LRP2: variants seen among roughly 807,000 people sequenced by gnomAD.
The protein encoded by LRP2 is LDL receptor related protein 2.
Under a neutral mutation model 531.0 loss-of-function variants are expected in LRP2, and 172 were observed. The observed-to-expected ratio is 0.32, with a 90% confidence interval of 0.29 to 0.37. The LOEUF is 0.37. LRP2 is among the 10% of genes least tolerant of loss of function. The pLI is 1.00. For missense variants in LRP2, 5,167 were observed against 5,868.3 expected (o/e 0.88, Z 3.90); for synonymous variants, 1,992 against 2,027.6 (o/e 0.98, Z 0.47).
chr2:169,213,383 A>G (rs967280143), intron 36 of LRP2, among the ~76,000 whole-genome samples: 3 of 152,218 alleles, frequency 2.0e-5, no homozygotes, highest in African/African-American at 4.8e-5. Flanking sequence ...AGGGAGTTCT[A>G]TGAAGTAAAA....
intron 25 of LRP2, chr2:169,240,696 C>T (rs1445546616): frequency 3.6e-6 from 2 of 562,454 alleles, no homozygotes; most frequent in African/African-American, 3.7e-5. Flanking sequence ...ACATTACCAA[C>T]AGAACCAAAT....
intron 35 of LRP2, among the ~76,000 whole-genome samples, chr2:169,215,834 T>C (rs1445400114): frequency 1.2e-4 from 17 of 143,748 alleles, no homozygotes; most frequent in Non-Finnish European, 2.2e-4. Flanking sequence ...ATACTCTATA[T>C]TTTTTATATA....
At chr2:169,163,035 G>A (rs1686647782) in intron 62 of LRP2, among the ~76,000 whole-genome samples, 1 of 152,224 alleles carries the variant, frequency 6.6e-6, no homozygotes. Context: ...AGTGATGAGG[G>A]AAGTAGAGTA....
intron 38 of LRP2, among the ~76,000 whole-genome samples, chr2:169,208,865 A>C (rs576749306): frequency 1.3e-5 from 2 of 152,280 alleles, no homozygotes; most frequent in African/African-American, 4.8e-5. Flanking sequence ...ACTAATTATG[A>C]GTGGTATTTT....
chr2:169,296,552 A>T (rs543134752), intron 4 of LRP2, among the ~76,000 whole-genome samples: 1 of 152,118 alleles, frequency 6.6e-6, no homozygotes, highest in East Asian at 1.9e-4. Context: ...TGTGTTATCT[A>T]GCCTTTTAAG....
At chr2:169,135,659 G>C (rs1685476431) in intron 76 of LRP2, among the ~76,000 whole-genome samples, 1 of 152,142 alleles carries the variant, frequency 6.6e-6, no homozygotes, top group South Asian at 2.1e-4. Context: ...AAAAAGGACT[G>C]GACAATACTT....
At chr2:169,309,526 A>C (rs185666034) in intron 3 of LRP2, among the ~76,000 whole-genome samples, 33 of 152,262 alleles carry the variant, frequency 2.2e-4, no homozygotes, top group African/African-American at 7.7e-4. Flanking sequence ...CAAAGATCAG[A>C]TGGTTGTAGA....
intron 57 of LRP2, 44 bp from the exon 58 acceptor site, chr2:169,172,178 G>A (rs1242060000): frequency 6.2e-7 from 1 of 1,612,836 alleles, no homozygotes; most frequent in Non-Finnish European, 8.5e-7. Context: ...CATTGGCAGA[G>A]AAATGCACAA....
Position 169,185,781 on chromosome 2 carries a change from C to T in LRP2, c.9567G>A (p.Lys3189=). ...CGATGTTACTGTTTTGCCGGCAGGT[C>T]TTTCCATCTGGTTCTCGGAGGTAGC... ...APGYLREPDG[K]TCRQNSNIEP... The change falls in exon 50 of 79, where the codon AAG becomes AAA. Residue 3189 remains lysine, a synonymous_variant. Transcript: ENST00000649046. 1 of 1,613,772 alleles carries T rather than the reference C, an allele frequency of 6.2e-7. No individual in the cohort carries two copies. The highest frequency in any genetic ancestry group is 8.5e-7 in the Non-Finnish European group (1 of 1,179,918).
rs766793465 is a variant in LRP2, at chr2:169,241,350, C to T, written c.3683G>A (p.Gly1228Asp). 6.2e-7 allele frequency: 1 copy of T among 1,614,148 alleles called. No individual in the cohort carries two copies. The highest frequency in any genetic ancestry group is 1.1e-5 in the South Asian group (1 of 91,076). Residue 1228 changes from glycine (G) to aspartate (D), a missense_variant, in exon 25 of 79, where the codon GGT (glycine) becomes GAT (aspartate). By Grantham distance (94) the Gly-to-Asp change is moderately conservative. This residue lies in a region of LRP2 where 2,811 missense variants were observed against 3,058.0 expected (regional missense o/e 0.92). Transcript: ENST00000649046. ...CTGAAATTCATCTGAGTGGCACATA[C>T]CAGGAGGCCTGGTTGCTAGAAGGAA... is the stretch of plus-strand genomic sequence containing the variant. ...DEAGCPTRPP[G>D]MCHSDEFQCQ...
At chr2:169,293,531 C>T (rs897868662) in intron 6 of LRP2, among the ~76,000 whole-genome samples, 6 of 152,104 alleles carry the variant, frequency 3.9e-5, no homozygotes, top group African/African-American at 7.2e-5. Flanking sequence ...CAAAATTAGC[C>T]AGACATGGTG....
At chr2:169,352,158 A>G (rs12614394) in intron 1 of LRP2, among the ~76,000 whole-genome samples, 36,346 of 152,134 alleles carry the variant, frequency 0.24, 4,912 homozygotes, top group Non-Finnish European at 0.3. Context: ...AGATTAGAAG[A>G]CCTGCAACAG....
chr2:169,304,476 G>A (rs1215607857), intron 4 of LRP2, among the ~76,000 whole-genome samples: 2 of 152,104 alleles, frequency 1.3e-5, no homozygotes, highest in African/African-American at 4.8e-5. Context: ...TTTATATAAT[G>A]CTCTGAAATT....
chr2:169,220,952 C>A (rs1173366426), intron 33 of LRP2, among the ~76,000 whole-genome samples: 1 of 152,120 alleles, frequency 6.6e-6, no homozygotes, highest in Non-Finnish European at 1.5e-5. Flanking sequence ...AGCTTTCCTG[C>A]ACCCCACCAA....
rs377424162 is a variant in LRP2 at position 169,170,681 on chromosome 2, G to T, written c.11264-14C>A. 3.2e-6 allele frequency: 5 copies of T among 1,573,094 alleles called. No homozygotes were observed. The highest frequency in any genetic ancestry group is 2.7e-5 in the African/African-American group (2 of 74,292). On this transcript the variant is annotated splice_polypyrimidine_tract_variant and intron_variant, in intron 58 of 78. Coordinates refer to ENST00000649046, the MANE Select transcript of LRP2 (RefSeq NM_004525.3). ...ACTCCCGGGGAGCTGGAAAGGAAAG[G>T]CACCTGGCCATGAGTGTGCACCAGG...
Position 169,308,744 on chromosome 2 carries a change from G to C in LRP2, c.311-1347C>G, listed in dbSNP as rs1684500503. ...ATCCTTTGGGTATATACTCAGTAAT[G>C]GGATGGCTGGGTCAAATGGTATTTC... is the stretch of plus-strand genomic sequence containing the variant. On this transcript the variant is annotated intron_variant, in intron 3 of 78. Coordinates refer to ENST00000649046, the MANE Select transcript of LRP2 (RefSeq NM_004525.3). 1.3e-5 allele frequency among the ~76,000 whole-genome samples: 2 copies of C among 152,136 alleles called. 1 individual carries two copies. The highest frequency in any genetic ancestry group is 2.9e-5 in the Non-Finnish European group (2 of 68,022).
chr2:169,207,342 T>TCACTTATATTTATATAAGGTCACTTATA, intron 38 of LRP2, 92 bp from the exon 39 acceptor site: 2 of 886,688 alleles, frequency 2.3e-6, no homozygotes, highest in Non-Finnish European at 1.8e-6. Flanking sequence ...ATATATAAGG[T>TCACTTATATTTATATAAGGTCACTTATA]TGAAGTCTGG....
At chr2:169,356,584 A>AT (rs1685993709) in intron 1 of LRP2, among the ~76,000 whole-genome samples, 3 of 152,236 alleles carry the variant, frequency 2.0e-5, no homozygotes, top group Non-Finnish European at 4.4e-5. Context: ...GATTTCCCAG[A>AT]TAATAAATGG....
intron 16 of LRP2, among the ~76,000 whole-genome samples, chr2:169,262,109 C>A (rs1329078547): frequency 2.0e-5 from 3 of 151,454 alleles, no homozygotes; most frequent in African/African-American, 7.3e-5. Context: ...ATAATAAGAG[C>A]TATCTATGAC....
Sources: allele counts gnomAD v4.1 joint callset (sites outside exome capture counted in the v4.1 genomes callset), GRCh38; gene constraint gnomAD v4.1.1; regional missense constraint gnomAD v4.1.1; transcripts MANE v1.5; gene names NCBI Gene and HGNC (gene_info 2026-07-23, HGNC 2026-07-21).